RAB11FIP3: variants seen among roughly 807,000 people sequenced by gnomAD.
The protein encoded by RAB11FIP3 is RAB11 family interacting protein 3.
RAB11FIP3 carries 17 observed loss-of-function variants against 77.8 expected under a neutral mutation model. That is an observed-to-expected ratio of 0.22 (90% CI 0.15 to 0.33). The LOEUF (loss-of-function observed/expected upper bound fraction) is 0.33, where lower values mean the gene tolerates loss of function less well. Ranked by LOEUF, RAB11FIP3 falls within the 10% of genes least tolerant of loss-of-function variation. The pLI, the probability that RAB11FIP3 is intolerant of heterozygous loss-of-function variation, is 1.00. For missense variants in RAB11FIP3, 1,005 were observed against 1,011.2 expected (o/e 0.99, Z 0.08); for synonymous variants, 437 against 448.2 (o/e 0.98, Z 0.31).
At chr16:465,981 A>C (rs2055695461) in intron 2 of RAB11FIP3, among the ~76,000 whole-genome samples, 1 of 152,208 alleles carries the variant, frequency 6.6e-6, no homozygotes, top group South Asian at 2.1e-4. Context: ...CGCATTTTGA[A>C]TAAAACCAGG....
intron 1 of RAB11FIP3, among the ~76,000 whole-genome samples, chr16:428,934 C>T (rs1178543070): frequency 6.6e-6 from 1 of 152,054 alleles, no homozygotes; most frequent in Non-Finnish European, 1.5e-5. Context: ...GGGGCAAGGG[C>T]TGGATGACTT....
chr16:449,008 G>A (rs894359970), intron 1 of RAB11FIP3, among the ~76,000 whole-genome samples: 9 of 152,128 alleles, frequency 5.9e-5, no homozygotes, highest in Non-Finnish European at 1.2e-4. Context: ...AGATGGCTGT[G>A]GTAGGCCAAA....
chr16:492,289 T>A (rs9931031), intron 5 of RAB11FIP3, among the ~76,000 whole-genome samples: 2 of 151,326 alleles, frequency 1.3e-5, no homozygotes, highest in Non-Finnish European at 3.0e-5. Flanking sequence ...GGCCCGGCAC[T>A]GATGGCCATT....
chr16:518,522 C>T (rs983931656), intron 9 of RAB11FIP3, among the ~76,000 whole-genome samples: 2 of 149,880 alleles, frequency 1.3e-5, no homozygotes, highest in African/African-American at 2.5e-5. Context: ...GTCAGGAGTT[C>T]GAGACCAGCC....
At chr16:520,686 G>GCCCATGC (rs772329747) in intron 13 of RAB11FIP3, 40 bp from the exon 14 acceptor site, 3 of 1,612,484 alleles carry the variant, frequency 1.9e-6, no homozygotes, top group Non-Finnish European at 2.5e-6. Context: ...GTGGCCTGTG[G>GCCCATGC]CCCATGCGCC....
chr16:482,278 G>C, intron 3 of RAB11FIP3: 1 of 659,092 alleles, frequency 1.5e-6, no homozygotes, highest in Non-Finnish European at 2.8e-6. Flanking sequence ...CTGGTCTTGA[G>C]CTCCTGGGTT....
At chr16:499,319 A>C (rs550596573) in intron 6 of RAB11FIP3, among the ~76,000 whole-genome samples, 46 of 152,306 alleles carry the variant, frequency 3.0e-4, no homozygotes, top group African/African-American at 1.1e-3. Context: ...CGCTTCATCA[A>C]GTCTTTTACT....
chr16:426,587 C>A lies in RAB11FIP3; in HGVS notation c.581C>A (p.Pro194Gln), dbSNP rs1334635793. The A allele has an allele frequency of 6.3e-7, 1 of 1,597,174 alleles. No homozygotes were observed. Among genetic ancestry groups the A allele is most frequent in the Non-Finnish European group, 8.5e-7 (1 of 1,173,130 alleles). ...GACCTCAGCCAGACCCACCCCCTTCCGAGCGAGCCCGTGGGGAGTCAGGAG... is the reference window on the plus strand; with the variant it reads ...GACCTCAGCCAGACCCACCCCCTTCAGAGCGAGCCCGTGGGGAGTCAGGAG... ...PSDLSQTHPLPSEPVGSQEDG... is the reference protein window; with the variant it reads ...PSDLSQTHPLQSEPVGSQEDG... The change falls in exon 1 of 14, where the codon CCG (proline) becomes CAG (glutamine). Residue 194 changes from proline to glutamine, a missense_variant. Pro to Gln is a moderately conservative substitution (Grantham distance 76). Coordinates refer to ENST00000262305, the MANE Select transcript of RAB11FIP3 (RefSeq NM_014700.4). The surrounding 1 kb of genome is among the most constrained non-coding windows in gnomAD (Gnocchi z 5.0).
chr16:485,181 A>G (rs1432360714), intron 4 of RAB11FIP3, among the ~76,000 whole-genome samples: 1 of 152,138 alleles, frequency 6.6e-6, no homozygotes, highest in African/African-American at 2.4e-5. Flanking sequence ...CTGCAGAAGC[A>G]GCCAAAGGCA....
At chr16:511,404 G>A (rs2032156737) in intron 9 of RAB11FIP3, among the ~76,000 whole-genome samples, 1 of 110,590 alleles carries the variant, frequency 9.0e-6, no homozygotes, top group Non-Finnish European at 1.8e-5. Flanking sequence ...CCGACAGCCC[G>A]CCAACCCCAG....
chr16:466,675 A>G (rs1348154987), intron 2 of RAB11FIP3, among the ~76,000 whole-genome samples: 1 of 152,140 alleles, frequency 6.6e-6, no homozygotes, highest in East Asian at 1.9e-4. Context: ...TCGTCCAAGG[A>G]CAGCCCATCT....
At chr16:463,204 C>T (rs917542190) in intron 2 of RAB11FIP3, among the ~76,000 whole-genome samples, 15 of 152,006 alleles carry the variant, frequency 9.9e-5, no homozygotes, top group Admixed American at 5.2e-4. Flanking sequence ...GTAGGGGTGA[C>T]GGTGGCGGGT....
At chr16:509,757 C>A (rs1331351973) in intron 8 of RAB11FIP3, among the ~76,000 whole-genome samples, 5 of 152,242 alleles carry the variant, frequency 3.3e-5, no homozygotes, top group East Asian at 3.9e-4. Flanking sequence ...TGGGCCCCCC[C>A]CCCACTTGTG....
intron 9 of RAB11FIP3, among the ~76,000 whole-genome samples, chr16:513,793 G>A (rs1305541859): frequency 6.6e-6 from 1 of 152,210 alleles, no homozygotes; most frequent in South Asian, 2.1e-4. Context: ...TGTGCGGGAC[G>A]CCCCACACAG....
chr16:430,751 C>T lies in RAB11FIP3; in HGVS notation c.714+4031C>T, dbSNP rs186609568. ...AAAAAATTGGCTGGGTGCAGTGGCT[C>T]ACGCCTGTAATCCCAGCATTTTGGG... On this transcript the variant is annotated intron_variant, in intron 1 of 13. Transcript: ENST00000262305. 5.9e-5 allele frequency among the ~76,000 whole-genome samples: 9 copies of T among 152,314 alleles called. No homozygotes were observed. In the East Asian group the frequency reaches 1.7e-3, roughly 29 times the overall value.
intron 1 of RAB11FIP3, among the ~76,000 whole-genome samples, chr16:427,761 A>C (rs1283542273): frequency 1.3e-5 from 2 of 152,174 alleles, no homozygotes; most frequent in African/African-American, 4.8e-5. Context: ...GTAAGAAAAG[A>C]GGTAAAATTG....
intron 4 of RAB11FIP3, among the ~76,000 whole-genome samples, chr16:487,418 G>A (rs573880428): frequency 2.9e-4 from 44 of 152,282 alleles, no homozygotes; most frequent in Middle Eastern, 3.4e-3. Flanking sequence ...CACCGCCCCC[G>A]GCCCTGGTTT....
Position 472,671 on chromosome 16 carries a change from C to T in RAB11FIP3, c.903+1282C>T, listed in dbSNP as rs115110217. Among the ~76,000 whole-genome samples the T allele has an allele frequency of 6.1e-3, 927 of 152,342 alleles. 10 individuals carry two copies. Among genetic ancestry groups the T allele is most frequent in the African/African-American group, 0.021 (882 of 41,584 alleles). On this transcript the variant is annotated intron_variant, in intron 3 of 13. Transcript: ENST00000262305. The surrounding 1 kb of genome is among the most constrained non-coding windows in gnomAD (Gnocchi z 4.1). ...CCTGTGCACTCTTTCTCACGTGTAT[C>T]CGTCTTTTTGTTCCCCTCTCATGTT... is the stretch of plus-strand genomic sequence containing the variant.
intron 9 of RAB11FIP3, 107 bp downstream of exon 9, chr16:510,907 T>A: frequency 7.2e-7 from 1 of 1,379,484 alleles, no homozygotes; most frequent in Non-Finnish European, 9.6e-7. Context: ...TAGGCGAGGT[T>A]CCCGACAGCC....
Sources: gnomAD v4.1 joint callset for allele counts (sites outside exome capture counted in the v4.1 genomes callset) on GRCh38, gnomAD v4.1.1 for gene constraint, Gnocchi (gnomAD v3.1) non-coding constraint, MANE v1.5 for transcripts, NCBI Gene and HGNC (gene_info 2026-07-23, HGNC 2026-07-21) for gene names.